Variants in SCUBE2 observed in about 807,000 individuals in gnomAD.
SCUBE2 encodes signal peptide, CUB and EGF-like domain-containing protein 2.
A neutral mutation model predicts 125.9 loss-of-function variants in SCUBE2; 114 were observed. That is an observed-to-expected ratio of 0.91 (90% CI 0.78 to 1.06). The LOEUF is 1.06. Among genes scored for constraint, SCUBE2 ranks in the 50% least tolerant of loss-of-function variants. SCUBE2 has a pLI of 0.00. For missense variants in SCUBE2, 1,255 were observed against 1,301.8 expected, an observed-to-expected ratio of 0.96 and a Z score of 0.55; for synonymous variants, 459 against 492.9, an observed-to-expected ratio of 0.93 and a Z score of 0.91.
chr11:9,057,956 T>C (rs1859260084), intron 9 of SCUBE2, among the ~76,000 whole-genome samples: 1 of 152,204 alleles, frequency 6.6e-6, no homozygotes, highest in African/African-American at 2.4e-5. Flanking sequence ...CATCTAAAAA[T>C]AGAAAACAGC....
chr11:9,036,914 G>A (rs1162009473), intron 16 of SCUBE2, among the ~76,000 whole-genome samples: 1 of 152,228 alleles, frequency 6.6e-6, no homozygotes, highest in Non-Finnish European at 1.5e-5. Context: ...GAGGGCACCA[G>A]TTCTTTTTCC....
chr11:9,065,813 A>C, intron 7 of SCUBE2, 78 bp downstream of exon 7: 1 of 1,273,664 alleles, frequency 7.9e-7, no homozygotes. Context: ...GTGGCTCCCA[A>C]GTTCAGGTCT....
At position 9,066,723 on chromosome 11, in the gene SCUBE2, A is replaced by C; in HGVS notation, c.734T>G (p.Met245Arg). The change falls in exon 6 of 23, where the codon ATG becomes AGG. Residue 245 changes from methionine to arginine, a missense_variant. Around this residue, in one of 3 missense-constraint regions of SCUBE2, gnomAD observed 362 missense variants for 323.0 expected, o/e 1.12. Transcript: ENST00000649792. ...AAGGCAGCTCCTCCCATCTGTGTGC[A>C]TCTTGTACTGTGGATGGCAGCTGCA... The part of the protein sequence containing the change: ...PECSCHPQYK[M>R]HTDGRSCLER... The C allele has an allele frequency of 6.2e-7, 1 of 1,614,156 alleles. No homozygotes were observed. The highest frequency in any genetic ancestry group is 2.2e-5 in the East Asian group (1 of 44,882).
chr11:9,072,014 T>TAA (rs200494180), intron 4 of SCUBE2, among the ~76,000 whole-genome samples: 1 of 150,976 alleles, frequency 6.6e-6, no homozygotes, highest in Non-Finnish European at 1.5e-5. Context: ...TCTCTAAGGA[T>TAA]AAAAAAAAAT....
intron 2 of SCUBE2, among the ~76,000 whole-genome samples, chr11:9,088,229 T>C (rs575272917): frequency 6.6e-6 from 1 of 152,398 alleles, no homozygotes; most frequent in East Asian, 1.9e-4. Flanking sequence ...GGCTCATGCC[T>C]GTAATCCCAA....
intron 19 of SCUBE2, among the ~76,000 whole-genome samples, chr11:9,029,453 T>G (rs984192043): frequency 1.3e-5 from 2 of 152,202 alleles, no homozygotes; most frequent in African/African-American, 4.8e-5. Context: ...CCTTTCCTCA[T>G]CTCTCGAGAC....
chr11:9,078,617 A>C (rs1359090379), intron 3 of SCUBE2, among the ~76,000 whole-genome samples: 1 of 152,200 alleles, frequency 6.6e-6, no homozygotes, highest in Non-Finnish European at 1.5e-5. Flanking sequence ...TAGTTGGCCA[A>C]GTAGACCTCA....
At chr11:9,029,813 C>A in intron 19 of SCUBE2, 71 bp downstream of exon 19, 2 of 1,567,190 alleles carry the variant, frequency 1.3e-6, no homozygotes, top group South Asian at 1.1e-5. Context: ...CCCCGTGCCC[C>A]CTGCTCTGAG....
At chr11:9,028,755 C>T (rs1443933012) in intron 19 of SCUBE2, among the ~76,000 whole-genome samples, 1 of 152,088 alleles carries the variant, frequency 6.6e-6, no homozygotes, top group Non-Finnish European at 1.5e-5. Flanking sequence ...TGAAGGGCTG[C>T]CCTAGGAACT....
chr11:9,085,543 G>A (rs1042327946), intron 2 of SCUBE2, among the ~76,000 whole-genome samples: 5 of 152,058 alleles, frequency 3.3e-5, no homozygotes, highest in Admixed American at 6.5e-5. Context: ...TGGCTAACAC[G>A]GTGAAACCCC....
At chr11:9,048,406 C>T (rs545402457) in intron 14 of SCUBE2, among the ~76,000 whole-genome samples, 6 of 152,310 alleles carry the variant, frequency 3.9e-5, no homozygotes, top group African/African-American at 9.6e-5. Context: ...TCTTGCATTC[C>T]TTACTGACGG....
intron 9 of SCUBE2, chr11:9,057,556 T>A (rs2135540925): frequency 6.8e-6 from 1 of 147,542 alleles, no homozygotes; most frequent in East Asian, 2.1e-4. Context: ...TCTCGCTCTA[T>A]CCCCCAGGCT....
chr11:9,054,798 C>T (rs1202113465), intron 10 of SCUBE2, among the ~76,000 whole-genome samples: 2 of 129,590 alleles, frequency 1.5e-5, no homozygotes, highest in Non-Finnish European at 3.1e-5. Flanking sequence ...TGCAATGGCA[C>T]AACCTCGGCT....
At chr11:9,037,221 C>A (rs1856815709) in intron 16 of SCUBE2, among the ~76,000 whole-genome samples, 1 of 152,322 alleles carries the variant, frequency 6.6e-6, no homozygotes, top group Admixed American at 6.5e-5. Flanking sequence ...TTTTGCTGCC[C>A]AGGACAAAGG....
chr11:9,091,412 G>A lies in SCUBE2; in HGVS notation c.117C>T (p.Ala39=). ...AGAVPPGRGR[A]AGPQEDVDEC... is the part of the protein sequence containing the mutation. ...GACACTCACCCTCCTGCGGCCCCGCGGCACGGCCCCGACCCGGCGGGACGG... is the reference window on the plus strand; with the variant it reads ...GACACTCACCCTCCTGCGGCCCCGCAGCACGGCCCCGACCCGGCGGGACGG... Residue 39 remains alanine, a synonymous_variant, in exon 1 of 23, where the codon GCC becomes GCT. Coordinates refer to ENST00000649792, the MANE Select transcript of SCUBE2 (RefSeq NM_001367977.2). This position sits in a 1 kb window ranked among gnomAD's most constrained non-coding sequence, Gnocchi z 8.5. 7.6e-7 allele frequency: 1 copy of A among 1,311,128 alleles called. No individual in the cohort carries two copies. The highest frequency in any genetic ancestry group is 9.7e-7 in the Non-Finnish European group (1 of 1,035,432). The allele number at this position is 1,311,128 out of a possible 1,614,324, so 81.2% of individuals were successfully genotyped here. A position where few individuals can be genotyped will look rare whatever the true frequency, so the allele number is the denominator to read the frequency against.
chr11:9,043,893 C>T (rs185317195), intron 16 of SCUBE2, among the ~76,000 whole-genome samples: 1 of 150,860 alleles, frequency 6.6e-6, no homozygotes, highest in Non-Finnish European at 1.5e-5. Flanking sequence ...ATGCTTCCAA[C>T]GTTGGAAGCG....
intron 16 of SCUBE2, among the ~76,000 whole-genome samples, chr11:9,046,714 CTT>C (rs938288783): frequency 1.3e-5 from 2 of 152,160 alleles, no homozygotes; most frequent in African/African-American, 2.4e-5. Flanking sequence ...CTTTTTTCCA[CTT>C]TGTTTCTTTT....
In SCUBE2 at chr11:9,089,095, T is replaced by C. The variant is rs561750944; in HGVS notation, c.256+612A>G. The stretch of plus-strand genomic sequence containing the variant: ...CAGTTCATGACTCTAGTCCAGATTA[T>C]AAAATGGCAGAGTCCAAACCACAGG... On this transcript the variant is annotated intron_variant, in intron 2 of 22. Coordinates refer to ENST00000649792, the MANE Select transcript of SCUBE2 (RefSeq NM_001367977.2). Among the ~76,000 whole-genome samples the C allele has an allele frequency of 2.3e-3, 353 of 152,330 alleles. 2 individuals carry two copies. Among genetic ancestry groups the C allele is most frequent in the Admixed American group, 4.4e-3 (68 of 15,298 alleles).
intron 20 of SCUBE2, chr11:9,026,337 T>C (rs1855756610): frequency 6.5e-6 from 1 of 153,926 alleles, no homozygotes; most frequent in African/African-American, 2.4e-5. Flanking sequence ...AAAACAAGGA[T>C]TTAAACCTAT....
Sources: allele counts gnomAD v4.1 joint callset (sites outside exome capture counted in the v4.1 genomes callset), GRCh38; gene constraint gnomAD v4.1.1; regional missense constraint gnomAD v4.1.1; non-coding constraint Gnocchi (gnomAD v3.1); transcripts MANE v1.5; gene names NCBI Gene and HGNC (gene_info 2026-07-23, HGNC 2026-07-21).